Variants in EVL observed in about 807,000 individuals in gnomAD.
EVL encodes Enah/Vasp-like, also known as ena/VASP-like protein.
A neutral mutation model predicts 59.6 loss-of-function variants in EVL; 21 were observed. The observed-to-expected ratio is 0.35, with a 90% CI of 0.25 to 0.51. EVL has a LOEUF of 0.51. Ranked by LOEUF, EVL falls within the 20% of genes least tolerant of loss-of-function variation. The pLI, the probability that EVL is intolerant of heterozygous loss-of-function variation, is 0.97. For synonymous variants in EVL, 198 were observed against 203.5 expected (o/e 0.97, Z 0.23); for missense variants, 462 against 546.6 (o/e 0.85, Z 1.54).
chr14:100,103,288 C>T (rs541611731), intron 3 of EVL, among the ~76,000 whole-genome samples: 3 of 150,522 alleles, frequency 2.0e-5, no homozygotes, highest in South Asian at 4.2e-4. Flanking sequence ...AATATGCAAA[C>T]AGTAGAAAGG....
At chr14:100,112,079 G>A (rs906297494) in intron 3 of EVL, among the ~76,000 whole-genome samples, 6 of 152,300 alleles carry the variant, frequency 3.9e-5, no homozygotes, top group South Asian at 2.1e-4. Flanking sequence ...TTTTCCTCGC[G>A]TAGCGTGTAT....
At chr14:100,043,023 G>T (rs2061489835) in intron 1 of EVL, among the ~76,000 whole-genome samples, 1 of 152,106 alleles carries the variant, frequency 6.6e-6, no homozygotes, top group Admixed American at 6.6e-5. Context: ...TGAAAAACTG[G>T]ATTTGTCAAC....
intron 3 of EVL, among the ~76,000 whole-genome samples, chr14:100,116,552 G>A (rs1044892001): frequency 2.0e-5 from 3 of 152,182 alleles, no homozygotes; most frequent in African/African-American, 7.2e-5. Flanking sequence ...CCTTCTTCAG[G>A]AGGAGGGGTC....
intron 1 of EVL, among the ~76,000 whole-genome samples, chr14:100,012,302 G>A (rs569280642): frequency 4.6e-5 from 7 of 152,308 alleles, no homozygotes; most frequent in East Asian, 1.9e-4. Context: ...CCTGAAGTGC[G>A]TCTGAATCTT....
At chr14:100,136,243 G>T (rs1307315017) in intron 9 of EVL, among the ~76,000 whole-genome samples, 2 of 152,248 alleles carry the variant, frequency 1.3e-5, no homozygotes, top group East Asian at 3.8e-4. Context: ...ACGAGAGAAG[G>T]CACTTGCCTG....
Position 100,114,827 on chromosome 14 carries a change from G to A in EVL, c.359-8712G>A, listed in dbSNP as rs943031336. Among the ~76,000 whole-genome samples, 1 of 152,076 alleles carries A rather than the reference G, an allele frequency of 6.6e-6. No individual in the cohort carries two copies. Among genetic ancestry groups the A allele is most frequent in the African/African-American group, 2.4e-5 (1 of 41,410 alleles). On this transcript the variant is annotated intron_variant, in intron 3 of 13. Transcript: ENST00000392920. This position sits in a 1 kb window ranked among gnomAD's most constrained non-coding sequence, Gnocchi z 5.0. Reference sequence around the variant, plus strand: ...GGGTGGGAGTGCTGGATCTTGGGGCGAGTATCTGCCACTGACCAATTACAG... The same window carrying A: ...GGGTGGGAGTGCTGGATCTTGGGGCAAGTATCTGCCACTGACCAATTACAG...
At chr14:100,070,062 T>TAAAAAA (rs569848858) in intron 1 of EVL, among the ~76,000 whole-genome samples, 1 of 122,378 alleles carries the variant, frequency 8.2e-6, no homozygotes, top group African/African-American at 3.0e-5. Context: ...CCTCCTCTCT[T>TAAAAAA]AAAAAAAAAA....
At chr14:99,996,782 G>A (rs1178640028) in intron 1 of EVL, among the ~76,000 whole-genome samples, 2 of 152,118 alleles carry the variant, frequency 1.3e-5, no homozygotes, top group Admixed American at 6.5e-5. Flanking sequence ...CTCCAGAGTG[G>A]CTGGGACTAT....
At chr14:100,143,636 C>T in intron 13 of EVL, 65 bp from the exon 14 acceptor site, 1 of 1,593,914 alleles carries the variant, frequency 6.3e-7, no homozygotes, top group Non-Finnish European at 8.6e-7. Flanking sequence ...GGGTGCGGGG[C>T]CCTGATGAGG....
At chr14:100,009,197 G>A (rs2061001340) in intron 1 of EVL, among the ~76,000 whole-genome samples, 1 of 152,196 alleles carries the variant, frequency 6.6e-6, no homozygotes, top group African/African-American at 2.4e-5. Context: ...GGGTTGCATG[G>A]TCAAGCATTG....
chr14:100,139,739 CA>C (rs1222203728), intron 11 of EVL: 4 of 152,242 alleles, frequency 2.6e-5, no homozygotes, highest in Admixed American at 2.6e-4. Flanking sequence ...CCTCAGCAGC[CA>C]AGGCTGGCCC....
At chr14:100,002,121 A>G (rs1413920433) in intron 1 of EVL, among the ~76,000 whole-genome samples, 1 of 152,198 alleles carries the variant, frequency 6.6e-6, no homozygotes, top group Non-Finnish European at 1.5e-5. Flanking sequence ...GCAAAAAGTC[A>G]AAAAGATAAC....
intron 1 of EVL, among the ~76,000 whole-genome samples, chr14:100,050,862 C>T (rs1157882417): frequency 3.3e-5 from 5 of 150,740 alleles, no homozygotes; most frequent in African/African-American, 1.2e-4. Context: ...CCCGCCTCAG[C>T]CTCCTAAGTA....
chr14:100,122,862 G>T (rs1278114671), intron 3 of EVL, among the ~76,000 whole-genome samples: 2 of 152,186 alleles, frequency 1.3e-5, no homozygotes, highest in African/African-American at 4.8e-5. Context: ...GCCTATGCCG[G>T]GGTCCCTCCT....
chr14:100,043,233 ATG>A (rs1004991662), intron 1 of EVL, among the ~76,000 whole-genome samples: 2 of 150,890 alleles, frequency 1.3e-5, no homozygotes, highest in African/African-American at 4.9e-5. Context: ...ATATATATGT[ATG>A]TGTGTGTGTG....
At chr14:100,001,527 C>T (rs114150925) in intron 1 of EVL, among the ~76,000 whole-genome samples, 24 of 152,256 alleles carry the variant, frequency 1.6e-4, no homozygotes, top group Non-Finnish European at 2.5e-4. Context: ...TAAAGTGCAG[C>T]GAGAGTAATT....
intron 1 of EVL, among the ~76,000 whole-genome samples, chr14:100,003,725 C>G (rs1448961983): frequency 6.6e-6 from 1 of 152,090 alleles, no homozygotes; most frequent in African/African-American, 2.4e-5. Context: ...GGCCGATAAC[C>G]TTAATTAAAA....
chr14:100,102,592 C>T (rs375253937), intron 3 of EVL, among the ~76,000 whole-genome samples: 111 of 152,254 alleles, frequency 7.3e-4, no homozygotes, highest in Middle Eastern at 3.4e-3. Flanking sequence ...CTGAAAGAGA[C>T]GCCATCTGGT....
At position 100,136,114 on chromosome 14, in the gene EVL, C is replaced by T. The variant is rs538373113; in HGVS notation, c.964+146C>T. The T allele has an allele frequency of 3.8e-4, 87 of 228,090 alleles. 1 individual carries two copies. The Admixed American group carries it at 4.6e-3, about 12-fold the overall frequency. 14.1% of individuals were successfully genotyped at this position (228,090 alleles called of 1,614,324 possible). On this transcript the variant is annotated intron_variant, in intron 9 of 13. Coordinates refer to ENST00000392920, the MANE Select transcript of EVL (RefSeq NM_016337.3). ...ACAGGGAAGCCCATTTCTTATGGGT[C>T]CCCCAGAGCCTCCCCCAGGAGCCCA...
Sources: gnomAD v4.1 joint callset for allele counts (sites outside exome capture counted in the v4.1 genomes callset) on GRCh38, gnomAD v4.1.1 for gene constraint, Gnocchi (gnomAD v3.1) non-coding constraint, MANE v1.5 for transcripts, NCBI Gene and HGNC (gene_info 2026-07-23, HGNC 2026-07-21) for gene names.